TUBA1C: variants seen among roughly 807,000 people sequenced by gnomAD.
TUBA1C encodes the protein tubulin alpha 1c.
Under a neutral mutation model 34.9 loss-of-function variants are expected in TUBA1C, and 16 were observed. That is an observed-to-expected ratio of 0.46 (90% CI 0.31 to 0.70). TUBA1C has a LOEUF of 0.70. TUBA1C is among the 30% of genes least tolerant of loss of function. The probability of loss-of-function intolerance (pLI) is 0.05; values close to 1 mark genes in which losing one functional copy is unlikely to be tolerated. For missense variants in TUBA1C, 329 were observed against 587.3 expected (o/e 0.56, Z 4.55); for synonymous variants, 177 against 215.9 (o/e 0.82, Z 1.58).
chr12:49,237,737 CAAA>C (rs1453332823), intron 1 of TUBA1C, among the ~76,000 whole-genome samples: 1 of 64,026 alleles, frequency 1.6e-5, no homozygotes, highest in African/African-American at 6.5e-5. Context: ...GAGACCCTGT[CAAA>C]AAAAAAAAAG....
At chr12:49,240,149 G>A (rs569554027) in intron 1 of TUBA1C, among the ~76,000 whole-genome samples, 20 of 151,322 alleles carry the variant, frequency 1.3e-4, no homozygotes, top group African/African-American at 4.9e-4. Flanking sequence ...AATATAAAAA[G>A]GCTGCCCACT....
intron 1 of TUBA1C, among the ~76,000 whole-genome samples, chr12:49,251,412 A>G (rs571154386): frequency 1.5e-4 from 23 of 152,342 alleles, no homozygotes; most frequent in African/African-American, 4.8e-4. Flanking sequence ...CACTGTAAGA[A>G]AAGTATATAT....
intron 1 of TUBA1C, among the ~76,000 whole-genome samples, chr12:49,251,443 A>T (rs1942731025): frequency 6.6e-6 from 1 of 152,138 alleles, no homozygotes; most frequent in African/African-American, 2.4e-5. Flanking sequence ...ATAAATATTG[A>T]TACAAAAGTC....
intron 1 of TUBA1C, among the ~76,000 whole-genome samples, chr12:49,243,923 G>A (rs942047096): frequency 6.6e-6 from 1 of 152,106 alleles, no homozygotes; most frequent in Non-Finnish European, 1.5e-5. Context: ...ACCAAGGTGG[G>A]AGGATCTCTT....
At chr12:49,261,056 T>C (rs138322468), upstream of TUBA1C, among the ~76,000 whole-genome samples, 15 of 152,206 alleles carry the variant, frequency 9.9e-5, no homozygotes, top group South Asian at 4.1e-4. Flanking sequence ...TCTTAAAAAA[T>C]GCTTATTGTA....
intron 1 of TUBA1C, among the ~76,000 whole-genome samples, chr12:49,241,331 C>G (rs1565640048): frequency 6.6e-6 from 1 of 152,126 alleles, no homozygotes; most frequent in Non-Finnish European, 1.5e-5. Flanking sequence ...TAACTAGTGC[C>G]TCAGACCAGG....
rs73306255 is a variant in TUBA1C, at chr12:49,253,339, G to A, written c.214-16126G>A. On this transcript the variant is annotated intron_variant, in intron 1 of 3. Coordinates refer to the TUBA1C transcript ENST00000541364. ...ATGAGAGTTGGTAGGTGTAAGCTAC[G>A]GTGGAAGCTATGGAAGGAGACCTGA... Among the ~76,000 whole-genome samples the A allele has an allele frequency of 9.9e-3, 1,509 of 152,198 alleles. 27 individuals are homozygous for A. The highest frequency in any genetic ancestry group is 0.034 in the African/African-American group (1,424 of 41,516).
At chr12:49,256,687 C>T (rs897052685) in intron 1 of TUBA1C, among the ~76,000 whole-genome samples, 1 of 152,150 alleles carries the variant, frequency 6.6e-6, no homozygotes, top group Admixed American at 6.5e-5. Flanking sequence ...ACTAGAGGAT[C>T]AAAAACAGCA....
Position 49,273,546 on chromosome 12 carries a change from A to G in TUBA1C, c.*319A>G, listed in dbSNP as rs1317288259. ...CTGGGGACTGCAGGTGCACACCACCATGCCCAGCTATTTTTATTTCTTGTA... is the reference window on the plus strand; with the variant it reads ...CTGGGGACTGCAGGTGCACACCACCGTGCCCAGCTATTTTTATTTCTTGTA... On this transcript the variant is annotated 3_prime_UTR_variant, in exon 4 of 4. Coordinates refer to ENST00000301072, the MANE Select transcript of TUBA1C (RefSeq NM_032704.5). 2.5e-6 allele frequency: 1 copy of G among 400,076 alleles called. No homozygotes were observed. The highest frequency in any genetic ancestry group is 2.1e-5 in the African/African-American group (1 of 48,670). The allele number at this position is 400,076 out of a possible 1,614,324, so 24.8% of individuals were successfully genotyped here.
In TUBA1C at chr12:49,247,284, T is replaced by G. The variant is rs192136974; in HGVS notation, c.213+19118T>G. On this transcript the variant is annotated intron_variant, in intron 1 of 3. Transcript: ENST00000541364. ...TAAACAAAGACAAACCCGCCGGACT[T>G]GGTGGCTCATGCCTGTAATCCCAGC... Among the ~76,000 whole-genome samples, 41 of 151,318 alleles carry G rather than the reference T, an allele frequency of 2.7e-4. 1 individual carries two copies. The highest frequency in any genetic ancestry group is 9.9e-4 in the African/African-American group (41 of 41,338).
At chr12:49,255,682 C>CATTCTA (rs1488824941) in intron 1 of TUBA1C, among the ~76,000 whole-genome samples, 1 of 152,142 alleles carries the variant, frequency 6.6e-6, no homozygotes, top group Non-Finnish European at 1.5e-5. Flanking sequence ...TCTTGTGACT[C>CATTCTA]AGCCTCTGGA....
At chr12:49,232,823 A>AT (rs1020745128) in intron 1 of TUBA1C, 1 of 151,922 alleles carries the variant, frequency 6.6e-6, no homozygotes, top group African/African-American at 2.4e-5. Flanking sequence ...TTTTTATTTT[A>AT]TTTTTTCAAA....
intron 1 of TUBA1C, among the ~76,000 whole-genome samples, chr12:49,250,033 A>G (rs891841205): frequency 4.0e-5 from 6 of 151,186 alleles, no homozygotes; most frequent in Non-Finnish European, 8.8e-5. Flanking sequence ...CCCCATCTCT[A>G]CTAAAAATAC....
intron 1 of TUBA1C, among the ~76,000 whole-genome samples, chr12:49,267,147 G>A (rs1565649074): frequency 1.3e-5 from 2 of 152,176 alleles, no homozygotes; most frequent in African/African-American, 4.8e-5. Flanking sequence ...GTCAGTGGCC[G>A]CTGACTGCCT....
chr12:49,255,620 G>A (rs893774259), intron 1 of TUBA1C, among the ~76,000 whole-genome samples: 1 of 151,868 alleles, frequency 6.6e-6, no homozygotes, highest in Admixed American at 6.6e-5. Context: ...GTGCAGTGGC[G>A]CAATCTCAGC....
rs1164538685 is a variant in TUBA1C, at chr12:49,272,682, C to T, written c.805C>T (p.Leu269=). The change falls in exon 4 of 4, where the codon CTG becomes TTG. Residue 269 remains leucine, a synonymous_variant. Transcript: ENST00000301072. The part of the protein sequence containing the change: ...LVPYPRIHFP[L]ATYAPVISAE... The stretch of plus-strand genomic sequence containing the variant: ...GCCCTACCCCCGCATCCACTTCCCT[C>T]TGGCCACATATGCCCCTGTCATCTC... 1.2e-6 allele frequency: 2 copies of T among 1,612,044 alleles called. No homozygotes were observed.
intron 1 of TUBA1C, among the ~76,000 whole-genome samples, chr12:49,255,405 A>AAT (rs142218984): frequency 0.13 from 18,255 of 141,044 alleles, 1,247 homozygotes; most frequent in East Asian, 0.17. Flanking sequence ...ATCTTTAAAA[A>AAT]ATATATATAT....
intron 1 of TUBA1C, among the ~76,000 whole-genome samples, chr12:49,267,385 G>A (rs1337334367): frequency 2.0e-5 from 3 of 152,114 alleles, no homozygotes; most frequent in East Asian, 1.9e-4. Flanking sequence ...GATGCCGGGC[G>A]TGGTGGCTCC....
chr12:49,230,935 C>A (rs947093241), intron 1 of TUBA1C, among the ~76,000 whole-genome samples: 3 of 152,118 alleles, frequency 2.0e-5, no homozygotes, highest in Non-Finnish European at 4.4e-5. Context: ...ATACTTAAGT[C>A]TGTGGGGTGT....
Sources: gnomAD v4.1 joint callset for allele counts (sites outside exome capture counted in the v4.1 genomes callset) on GRCh38, gnomAD v4.1.1 for gene constraint, MANE v1.5 for transcripts, NCBI Gene and HGNC (gene_info 2026-07-23, HGNC 2026-07-21) for gene names.